Variants in ZFAND5 observed in about 807,000 individuals in gnomAD.
ZFAND5 encodes AN1-type zinc finger protein 5.
Under a neutral mutation model 23.6 loss-of-function variants are expected in ZFAND5, and 4 were observed. The observed-to-expected ratio is 0.17, with a 90% CI of 0.08 to 0.39. The LOEUF (loss-of-function observed/expected upper bound fraction) is 0.39. Ranked by LOEUF, ZFAND5 falls within the 10% of genes least tolerant of loss-of-function variation. ZFAND5 has a pLI of 1.00. For missense variants in ZFAND5, 161 were observed against 253.7 expected, an observed-to-expected ratio of 0.63 and a Z score of 2.48; for synonymous variants, 68 against 80.6, an observed-to-expected ratio of 0.84 and a Z score of 0.84.
chr9:72,354,658 A>G lies in ZFAND5; in HGVS notation c.*1295T>C, dbSNP rs1294711226. On this transcript the variant is annotated 3_prime_UTR_variant, in exon 7 of 7. Coordinates refer to ENST00000376962, the MANE Select transcript of ZFAND5 (RefSeq NM_001102420.3). ...AAACTAGGACTGAACATTGCAATAA[A>G]TCAGAAGTAGTGCCTCGTGTACATA... 6.6e-6 allele frequency: 1 copy of G among 152,632 alleles called. No homozygotes were observed. Among genetic ancestry groups the G allele is most frequent in the Non-Finnish European group, 1.5e-5 (1 of 68,048 alleles). The allele number at this position is 152,632 out of a possible 1,614,324, so 9.5% of individuals were successfully genotyped here.
intron 2 of ZFAND5, among the ~76,000 whole-genome samples, chr9:72,362,473 TG>T (rs1238305029): frequency 2.0e-5 from 3 of 152,208 alleles, no homozygotes; most frequent in Non-Finnish European, 2.9e-5. Flanking sequence ...CATGTGACAT[TG>T]GCTTTAAAGT....
At chr9:72,359,621 A>C (rs957571093) in intron 4 of ZFAND5, 100 bp from the exon 5 acceptor site, 1 of 1,052,192 alleles carries the variant, frequency 9.5e-7, no homozygotes, top group East Asian at 2.7e-5. Flanking sequence ...AATATTTCCA[A>C]AATGAGCAAA....
At chr9:72,357,200 T>G (rs1841968638) in intron 5 of ZFAND5, 144 bp from the exon 6 acceptor site, 6 of 1,011,212 alleles carry the variant, frequency 5.9e-6, no homozygotes, top group Admixed American at 6.4e-5. Context: ...TTAAACAGAA[T>G]CTTCCATTTT....
chr9:72,363,204 T>C (rs1274628930), intron 2 of ZFAND5, among the ~76,000 whole-genome samples: 1 of 152,218 alleles, frequency 6.6e-6, no homozygotes, highest in Non-Finnish European at 1.5e-5. Flanking sequence ...TGCATTCCCC[T>C]TGTATTTTAG....
chr9:72,361,270 T>C (rs1842090174), intron 2 of ZFAND5, among the ~76,000 whole-genome samples: 1 of 152,234 alleles, frequency 6.6e-6, no homozygotes, highest in Non-Finnish European at 1.5e-5. Context: ...GCTTCATCAG[T>C]AATTTGACAA....
At chr9:72,360,496 G>A (rs1289888508) in intron 3 of ZFAND5, 132 bp downstream of exon 3, 3 of 1,193,758 alleles carry the variant, frequency 2.5e-6, no homozygotes, top group Non-Finnish European at 3.6e-6. Context: ...AAGCACTTGG[G>A]CTGTTGCTTG....
intron 3 of ZFAND5, 80 bp downstream of exon 3, chr9:72,360,548 G>A: frequency 6.3e-7 from 1 of 1,582,658 alleles, no homozygotes; most frequent in Non-Finnish European, 8.6e-7. Flanking sequence ...TGTGCTTTCA[G>A]CATTCTCAGC....
At chr9:72,362,873 C>A (rs1842144806) in intron 2 of ZFAND5, among the ~76,000 whole-genome samples, 1 of 152,192 alleles carries the variant, frequency 6.6e-6, no homozygotes, top group Non-Finnish European at 1.5e-5. Context: ...GAGGCTCTCA[C>A]ATAAAGCCTA....
At chr9:72,360,521 A>T (rs1842068696) in intron 3 of ZFAND5, 107 bp downstream of exon 3, 1 of 1,462,834 alleles carries the variant, frequency 6.8e-7, no homozygotes, top group Non-Finnish European at 9.4e-7. Context: ...TCAAGCTCTT[A>T]TCAGGTGTTC....
At chr9:72,359,795 G>C (rs1265555759) in intron 4 of ZFAND5, among the ~76,000 whole-genome samples, 1 of 152,104 alleles carries the variant, frequency 6.6e-6, no homozygotes, top group Non-Finnish European at 1.5e-5. Flanking sequence ...ACTTGTTTAA[G>C]GGCAAAAGGG....
intron 2 of ZFAND5, among the ~76,000 whole-genome samples, 151 bp from the exon 3 acceptor site, chr9:72,360,938 A>G (rs1263324789): frequency 1.3e-5 from 2 of 152,224 alleles, no homozygotes; most frequent in African/African-American, 2.4e-5. Context: ...ATAATTATCA[A>G]TATTTTGTTG....
chr9:72,355,905 G>A lies in ZFAND5; in HGVS notation c.*48C>T, dbSNP rs530369103. ...CATCTGCTCTTTAATGTTTTCCTAC[G>A]ATATATTAAAATAAAAACAAAGTTT... On this transcript the variant is annotated 3_prime_UTR_variant, in exon 7 of 7. Transcript: ENST00000376962. The A allele has an allele frequency of 1.1e-5, 17 of 1,552,650 alleles. No homozygotes were observed. The East Asian group carries it at 1.8e-4, about 17-fold the overall frequency.
At chr9:72,356,248 A>C in intron 6 of ZFAND5, 147 bp from the exon 7 acceptor site, 1 of 994,034 alleles carries the variant, frequency 1.0e-6, no homozygotes, top group Non-Finnish European at 1.4e-6. Flanking sequence ...CCTGGTGATA[A>C]GACACAGTCA....
At chr9:72,360,055 A>C (rs1490431526) in intron 4 of ZFAND5, 55 bp downstream of exon 4, 16 of 1,457,818 alleles carry the variant, frequency 1.1e-5, no homozygotes, top group Non-Finnish European at 1.4e-5. Context: ...ACCAGTACAG[A>C]CATCTTGATT....
intron 3 of ZFAND5, 38 bp downstream of exon 3, chr9:72,360,590 A>G (rs769593133): frequency 3.2e-5 from 52 of 1,611,494 alleles, no homozygotes; most frequent in Middle Eastern, 2.0e-4. Flanking sequence ...TCTGTCCACC[A>G]GTTCTTTCAA....
chr9:72,362,530 A>T (rs1249755993), intron 2 of ZFAND5, among the ~76,000 whole-genome samples: 1 of 152,210 alleles, frequency 6.6e-6, no homozygotes, highest in African/African-American at 2.4e-5. Context: ...AGTTAATCTG[A>T]TTCTTAAAAT....
rs763129476 is a variant in ZFAND5, at chr9:72,360,197, G to A, written c.176C>T (p.Pro59Leu). 13 of 1,612,844 alleles carry A rather than the reference G, an allele frequency of 8.1e-6. No individual in the cohort carries two copies. The South Asian group carries it at 1.2e-4, about 15-fold the overall frequency. ...CTGTACAGATGCAGAATCTGAGGTA[G>A]GACTGTTGGAACCACTAGCTGTTCC... ...PMGTASGSNS[P>L]TSDSASVQRA... Residue 59 changes from proline (P) to leucine (L), a missense_variant, in exon 4 of 7, where the codon CCT becomes CTT. Transcript: ENST00000376962.
intron 3 of ZFAND5, 130 bp downstream of exon 3, chr9:72,360,498 T>C: frequency 8.2e-7 from 1 of 1,217,270 alleles, no homozygotes; most frequent in Non-Finnish European, 1.2e-6. Flanking sequence ...GCACTTGGGC[T>C]GTTGCTTGAA....
chr9:72,359,351 TCC>T, intron 5 of ZFAND5, 65 bp downstream of exon 5: 1 of 1,503,604 alleles, frequency 6.7e-7, no homozygotes. Context: ...AAGGAAAGAA[TCC>T]CCCCACCAGC....
Sources: gnomAD v4.1 joint callset for allele counts (sites outside exome capture counted in the v4.1 genomes callset) on GRCh38, gnomAD v4.1.1 for gene constraint, MANE v1.5 for transcripts, NCBI Gene and HGNC (gene_info 2026-07-23, HGNC 2026-07-21) for gene names.